The following GREB1L variants were observed in gnomAD, a reference collection of about 807,000 sequenced individuals.
GREB1L encodes the protein GREB1-like protein.
Under a neutral mutation model 200.8 loss-of-function variants are expected in GREB1L, and 17 were observed. The ratio of observed to expected loss-of-function variants is 0.08; its 90% CI spans 0.06 to 0.13. The LOEUF (loss-of-function observed/expected upper bound fraction) is 0.13, where lower values mean the gene tolerates loss of function less well. Ranked by LOEUF, GREB1L falls within the 10% of genes least tolerant of loss-of-function variation. The pLI, the probability that GREB1L is intolerant of heterozygous loss-of-function variation, is 1.00. For missense variants in GREB1L, 1,657 were observed against 2,367.7 expected, an observed-to-expected ratio of 0.70 and a Z score of 6.23; for synonymous variants, 789 against 893.0, an observed-to-expected ratio of 0.88 and a Z score of 2.08.
chr18:21,257,318 C>G (rs1441557662), intron 1 of GREB1L, among the ~76,000 whole-genome samples: 1 of 152,076 alleles, frequency 6.6e-6, no homozygotes, highest in Non-Finnish European at 1.5e-5. Context: ...AAAAATGTTA[C>G]TAGGTTCTTT....
chr18:21,436,669 GGTGTGTGTGTGTGTGTGTGT>G (rs71178172), intron 7 of GREB1L, among the ~76,000 whole-genome samples: 14 of 132,534 alleles, frequency 1.1e-4, no homozygotes, highest in South Asian at 5.3e-4. Flanking sequence ...AAAGTTCAGT[GGTGTGTGTGTGTGTGTGTGT>G]GTGTGTGTGT....
chr18:21,253,040 C>T (rs1443151020), intron 1 of GREB1L, among the ~76,000 whole-genome samples: 1 of 152,054 alleles, frequency 6.6e-6, no homozygotes, highest in South Asian at 2.1e-4. Flanking sequence ...CATTTGTATT[C>T]AAAAGGGTTT....
Position 21,362,145 on chromosome 18 carries a change from A to T in GREB1L, c.-119-3882A>T, listed in dbSNP as rs532391729. 4.6e-4 allele frequency among the ~76,000 whole-genome samples: 70 copies of T among 152,306 alleles called. 2 individuals are homozygous for T. In the South Asian group the frequency reaches 0.015, roughly 32 times the overall value. ...ATTCTACTTTGCCAGCCTTAAAAAA[A>T]ACCCAGAAAATTCTGAGATTATGAA... On this transcript the variant is annotated intron_variant, in intron 1 of 32. Coordinates refer to ENST00000424526, the MANE Select transcript of GREB1L (RefSeq NM_001142966.3).
chr18:21,314,219 T>TG (rs2144831604), intron 1 of GREB1L, among the ~76,000 whole-genome samples: 1 of 152,336 alleles, frequency 6.6e-6, no homozygotes, highest in South Asian at 2.1e-4. Flanking sequence ...AGGATGCTTC[T>TG]ATTCTTTGCT....
In GREB1L at chr18:21,473,057, G is replaced by C; in HGVS notation, c.2209G>C (p.Glu737Gln). The C allele has an allele frequency of 1.3e-6, 2 of 1,543,546 alleles. No individual in the cohort carries two copies. The highest frequency in any genetic ancestry group is 1.7e-6 in the Non-Finnish European group (2 of 1,142,972). Reference sequence around the variant, plus strand: ...TGTCCTTGTAGACTTGGGTCTGGAGGAAAATGGGACAGCCCATCAGAGAGC... The same window carrying C: ...TGTCCTTGTAGACTTGGGTCTGGAGCAAAATGGGACAGCCCATCAGAGAGC... ...SGVLVDLGLE[E>Q]NGTAHQRAEK... Residue 737 changes from glutamate to glutamine, a missense_variant, in exon 16 of 33, where the codon GAA (glutamate) becomes CAA (glutamine). By Grantham distance (29) the Glu-to-Gln change is conservative (BLOSUM62 2). Transcript: ENST00000424526.
At chr18:21,465,371 A>G (rs1443727563) in intron 15 of GREB1L, among the ~76,000 whole-genome samples, 2 of 152,166 alleles carry the variant, frequency 1.3e-5, no homozygotes. Context: ...AGAATATTAT[A>G]CTGATGTTGG....
At chr18:21,405,075 T>C (rs2030014449) in intron 7 of GREB1L, among the ~76,000 whole-genome samples, 1 of 152,246 alleles carries the variant, frequency 6.6e-6, no homozygotes, top group Non-Finnish European at 1.5e-5. Context: ...CATTTCTTGC[T>C]ATGTGCCTGT....
chr18:21,368,622 A>T (rs1229266439), intron 2 of GREB1L, among the ~76,000 whole-genome samples: 4 of 152,190 alleles, frequency 2.6e-5, no homozygotes. Flanking sequence ...CCTAATTCAC[A>T]TCTGATTTTG....
At chr18:21,507,651 T>C (rs2037068721) in intron 25 of GREB1L, among the ~76,000 whole-genome samples, 1 of 152,234 alleles carries the variant, frequency 6.6e-6, no homozygotes. Flanking sequence ...GCATCCACTG[T>C]AGCCTGGAAA....
At chr18:21,376,271 A>G (rs1453508795) in intron 2 of GREB1L, among the ~76,000 whole-genome samples, 1 of 151,582 alleles carries the variant, frequency 6.6e-6, no homozygotes, top group South Asian at 2.1e-4. Context: ...GGCGCCTGCC[A>G]CCATGCCTGG....
At chr18:21,352,986 C>A (rs1452980077) in intron 1 of GREB1L, among the ~76,000 whole-genome samples, 1 of 151,854 alleles carries the variant, frequency 6.6e-6, no homozygotes, top group Non-Finnish European at 1.5e-5. Context: ...TTGAGACCAT[C>A]CTGGCTAACA....
At chr18:21,484,930 A>G (rs998403587) in intron 17 of GREB1L, among the ~76,000 whole-genome samples, 2 of 152,226 alleles carry the variant, frequency 1.3e-5, no homozygotes, top group African/African-American at 2.4e-5. Flanking sequence ...GAAAGCTACA[A>G]ACAAAAACAG....
Position 21,496,524 on chromosome 18 carries a change from G to T in GREB1L, c.3217G>T (p.Val1073Leu). Residue 1073 changes from valine to leucine, a missense_variant, in exon 21 of 33, where the codon GTG (valine) becomes TTG (leucine). This residue lies in a region of GREB1L where 512 missense variants were observed against 668.3 expected (regional missense o/e 0.77). Transcript: ENST00000424526. ...YLTRTALEQE[V>L]GLACCYVSKE... ...AACTCGCACGGCCTTGGAGCAGGAG[G>T]TGGGTCTGGCATGCTGCTATGTCTC... 1 of 1,551,714 alleles carries T rather than the reference G, an allele frequency of 6.4e-7. No homozygotes were observed. The highest frequency in any genetic ancestry group is 1.4e-5 in the African/African-American group (1 of 73,168).
At chr18:21,355,982 CTT>C (rs869238658) in intron 1 of GREB1L, among the ~76,000 whole-genome samples, 4 of 109,182 alleles carry the variant, frequency 3.7e-5, no homozygotes, top group African/African-American at 1.1e-4. Context: ...AATTAGGCTT[CTT>C]TTTTTTTTTT....
intron 18 of GREB1L, among the ~76,000 whole-genome samples, chr18:21,488,037 G>C (rs1177834036): frequency 1.3e-5 from 2 of 151,074 alleles, no homozygotes; most frequent in Non-Finnish European, 2.9e-5. Context: ...GGGTGCAGTG[G>C]CTTACACCTG....
At chr18:21,254,244 A>ATTTTTAG (rs1555622374) in intron 1 of GREB1L, among the ~76,000 whole-genome samples, 1 of 151,178 alleles carries the variant, frequency 6.6e-6, no homozygotes, top group Non-Finnish European at 1.5e-5. Context: ...TAATTTTTGT[A>ATTTTTAG]TTTTTAGTAC....
chr18:21,311,924 C>T (rs779462453), intron 1 of GREB1L, among the ~76,000 whole-genome samples: 2 of 151,872 alleles, frequency 1.3e-5, no homozygotes, highest in Non-Finnish European at 2.9e-5. Context: ...ATTATTTCAT[C>T]GCCCAGGTAC....
At chr18:21,442,639 C>G (rs1321300353) in intron 10 of GREB1L, among the ~76,000 whole-genome samples, 2 of 152,134 alleles carry the variant, frequency 1.3e-5, no homozygotes, top group Admixed American at 6.5e-5. Flanking sequence ...TTTATCCTAT[C>G]TATTTCAAAA....
At chr18:21,410,315 A>G (rs2030808980) in intron 7 of GREB1L, among the ~76,000 whole-genome samples, 1 of 152,052 alleles carries the variant, frequency 6.6e-6, no homozygotes, top group African/African-American at 2.4e-5. Context: ...AAATATGTCA[A>G]ATTATGTTTT....
Sources: gnomAD v4.1 joint callset for allele counts (sites outside exome capture counted in the v4.1 genomes callset) on GRCh38, gnomAD v4.1.1 for gene constraint, gnomAD v4.1.1 regional missense constraint, MANE v1.5 for transcripts, NCBI Gene and HGNC (gene_info 2026-07-23, HGNC 2026-07-21) for gene names.